MGA: variants seen among roughly 807,000 people sequenced by gnomAD.
The protein encoded by MGA is MAX gene-associated protein.
Under a neutral mutation model 261.1 loss-of-function variants are expected in MGA, and 40 were observed. The observed-to-expected ratio is 0.15, with a 90% CI of 0.12 to 0.20. The LOEUF (loss-of-function observed/expected upper bound fraction) is 0.20. Among genes scored for constraint, MGA ranks in the 10% least tolerant of loss-of-function variants. The pLI is 1.00. For missense variants in MGA, 3,397 were observed against 3,630.5 expected (o/e 0.94, Z 1.65); for synonymous variants, 1,302 against 1,290.6 (o/e 1.01, Z -0.19).
chr15:41,713,615 T>C (rs1233539099), intron 9 of MGA, 119 bp downstream of exon 9: 2 of 1,214,394 alleles, frequency 1.6e-6, no homozygotes, highest in East Asian at 5.1e-5. Context: ...CTTTGAGACT[T>C]CTTATTATCC....
intron 1 of MGA, among the ~76,000 whole-genome samples, chr15:41,642,331 C>T (rs555087956): frequency 6.7e-5 from 9 of 134,752 alleles, no homozygotes; most frequent in African/African-American, 1.1e-4. Flanking sequence ...TTTTTTGAAA[C>T]GAAGTTTCGC....
At chr15:41,722,802 A>T (rs751123865) in intron 9 of MGA, among the ~76,000 whole-genome samples, 7 of 152,240 alleles carry the variant, frequency 4.6e-5, no homozygotes, top group Non-Finnish European at 8.8e-5. Context: ...TGGTGCAACT[A>T]CTATGGACAC....
Position 41,766,917 on chromosome 15 carries a change from T to G in MGA, c.8835T>G (p.Ile2945Met), listed in dbSNP as rs758257771. 5 of 1,613,996 alleles carry G rather than the reference T, an allele frequency of 3.1e-6. No homozygotes were observed. The Admixed American group carries it at 8.3e-5, about 27-fold the overall frequency. Residue 2945 changes from isoleucine to methionine, a missense_variant, in exon 24 of 24, where the codon ATT (isoleucine) becomes ATG (methionine). Coordinates refer to ENST00000219905, the MANE Select transcript of MGA (RefSeq NM_001164273.2). ...CCCTCCTTTCCAACAAGAAAGCTAT[T>G]GATGGAGGGAAGAATACTTCTGGCC...
At chr15:41,746,035 T>C (rs1200818517) in intron 15 of MGA, among the ~76,000 whole-genome samples, 1 of 152,226 alleles carries the variant, frequency 6.6e-6, no homozygotes, top group East Asian at 1.9e-4. Flanking sequence ...GTTGGCACTT[T>C]GATATCTGTG....
At chr15:41,734,651 A>G in intron 12 of MGA, 57 bp downstream of exon 12, 2 of 1,304,934 alleles carry the variant, frequency 1.5e-6, no homozygotes, top group Non-Finnish European at 2.1e-6. Flanking sequence ...TCTAGATTAT[A>G]GTAATAATGG....
chr15:41,695,835 G>A (rs189819301), intron 2 of MGA, among the ~76,000 whole-genome samples: 11 of 152,256 alleles, frequency 7.2e-5, no homozygotes, highest in Non-Finnish European at 1.3e-4. Flanking sequence ...AATATCAGCT[G>A]GCAGTTTAAT....
In MGA at chr15:41,696,477, C is replaced by T; in HGVS notation, c.1467C>T (p.Asn489=). 6.2e-7 allele frequency: 1 copy of T among 1,614,010 alleles called. No homozygotes were observed. The highest frequency in any genetic ancestry group is 1.7e-5 in the Admixed American group (1 of 60,024). The change falls in exon 3 of 24, where the codon AAC becomes AAT. Residue 489 remains asparagine, a synonymous_variant. Transcript: ENST00000219905. ...TTAAGATTTCTGAACTCCCCGATAACATGCTTTCCACATCTCGAAAGGATA... is the reference window on the plus strand; with the variant it reads ...TTAAGATTTCTGAACTCCCCGATAATATGCTTTCCACATCTCGAAAGGATA...
At chr15:41,650,655 C>G (rs2057023891) in intron 1 of MGA, among the ~76,000 whole-genome samples, 1 of 152,054 alleles carries the variant, frequency 6.6e-6, no homozygotes, top group South Asian at 2.1e-4. Flanking sequence ...CCAGGCTGGT[C>G]TCAAACTCCT....
intron 5 of MGA, among the ~76,000 whole-genome samples, chr15:41,701,670 T>TCATA (rs1416609627): frequency 1.3e-5 from 2 of 152,174 alleles, no homozygotes; most frequent in East Asian, 3.8e-4. Flanking sequence ...TCAGGTCTGC[T>TCATA]CATAGTTCAG....
Position 41,650,433 on chromosome 15 carries a change from T to G in MGA, c.-67-18395T>G, listed in dbSNP as rs144494798. Among the ~76,000 whole-genome samples, 212 of 152,100 alleles carry G rather than the reference T, an allele frequency of 1.4e-3. 1 individual carries two copies. The highest frequency in any genetic ancestry group is 4.6e-3 in the African/African-American group (190 of 41,446). ...TCCTCCTACCACTATGCTTCTATAG[T>G]TTTTCTTAATTTTAATTTTTTTTTG... On this transcript the variant is annotated intron_variant, in intron 1 of 8. Transcript: ENST00000566718.
At chr15:41,693,110 G>A (rs1368557143) in intron 2 of MGA, among the ~76,000 whole-genome samples, 1 of 152,062 alleles carries the variant, frequency 6.6e-6, no homozygotes, top group African/African-American at 2.4e-5. Context: ...AAAGTGTTAG[G>A]ATTACAGGCA....
At chr15:41,695,974 G>T in intron 2 of MGA, 101 bp from the exon 3 acceptor site, 1 of 867,008 alleles carries the variant, frequency 1.2e-6, no homozygotes, top group Admixed American at 2.8e-5. Context: ...GAAATCTGAT[G>T]TGTTACTTGG....
intron 3 of MGA, 96 bp downstream of exon 3, chr15:41,697,119 G>T: frequency 9.1e-7 from 1 of 1,096,102 alleles, no homozygotes; most frequent in Non-Finnish European, 1.3e-6. Flanking sequence ...CTAGTTTTGT[G>T]ATATCTATTT....
chr15:41,731,674 A>G (rs898148875), intron 11 of MGA, among the ~76,000 whole-genome samples: 5 of 152,218 alleles, frequency 3.3e-5, no homozygotes, highest in Non-Finnish European at 7.3e-5. Context: ...ATAAAGACAC[A>G]AGAAATTAGT....
Position 41,691,928 on chromosome 15 carries a change from C to T in MGA, c.1065-4147C>T, listed in dbSNP as rs2059313469. ...TTTTTTTTTTCCTTCTATTCGTCCCCATTGTTGCTTACTGAGCTTCTTGGA... is the reference window on the plus strand; with the variant it reads ...TTTTTTTTTTCCTTCTATTCGTCCCTATTGTTGCTTACTGAGCTTCTTGGA... On this transcript the variant is annotated intron_variant, in intron 2 of 23. Transcript: ENST00000219905. Among the ~76,000 whole-genome samples the T allele has an allele frequency of 2.0e-5, 3 of 152,008 alleles. No individual in the cohort carries two copies. The South Asian group carries it at 6.2e-4, about 32-fold the overall frequency.
intron 6 of MGA, 69 bp downstream of exon 6, chr15:41,707,928 A>G: frequency 6.5e-7 from 1 of 1,538,512 alleles, no homozygotes; most frequent in Non-Finnish European, 8.8e-7. Context: ...TAACGTAAGT[A>G]AAAAGCTACC....
At chr15:41,653,288 G>C (rs2057104460) in intron 1 of MGA, among the ~76,000 whole-genome samples, 1 of 151,562 alleles carries the variant, frequency 6.6e-6, no homozygotes, top group African/African-American at 2.4e-5. Flanking sequence ...AGAATTGCTT[G>C]AACCCGGGAG....
chr15:41,657,446 C>G (rs533596554), upstream of MGA, among the ~76,000 whole-genome samples: 28 of 145,318 alleles, frequency 1.9e-4, no homozygotes, highest in South Asian at 4.0e-3. Flanking sequence ...CTCCACCTCC[C>G]TTGTTCAAGC....
At chr15:41,765,974 ATT>A (rs1452933997) in intron 23 of MGA, 28 bp from the exon 24 acceptor site, 2 of 1,575,250 alleles carry the variant, frequency 1.3e-6, no homozygotes, top group Non-Finnish European at 1.7e-6. Flanking sequence ...ATCTAAATGA[ATT>A]TTTCTTTTTT....
Sources: allele counts gnomAD v4.1 joint callset (sites outside exome capture counted in the v4.1 genomes callset), GRCh38; gene constraint gnomAD v4.1.1; transcripts MANE v1.5; gene names NCBI Gene and HGNC (gene_info 2026-07-23, HGNC 2026-07-21).